KAZN: variants seen among roughly 807,000 people sequenced by gnomAD.
The protein encoded by KAZN is kazrin.
In KAZN, 40 loss-of-function variants were observed where a neutral mutation model predicts 87.4. That is an observed-to-expected ratio of 0.46 (90% CI 0.36 to 0.60). KAZN has a LOEUF of 0.60. KAZN is among the 20% of genes least tolerant of loss of function. The probability of loss-of-function intolerance (pLI) is 0.00; values close to 1 mark genes in which losing one functional copy is unlikely to be tolerated. For synonymous variants in KAZN, 466 were observed against 458.3 expected, an observed-to-expected ratio of 1.02 and a Z score of -0.22; for missense variants, 898 against 1,073.9, an observed-to-expected ratio of 0.84 and a Z score of 2.29.
At chr1:14,903,147 G>A (rs1656121983) in intron 1 of KAZN, among the ~76,000 whole-genome samples, 1 of 152,104 alleles carries the variant, frequency 6.6e-6, no homozygotes, top group South Asian at 2.1e-4. Context: ...GGGATTACAG[G>A]TGTGAGCCAC....
chr1:14,715,958 T>C (rs12086441), intron 1 of KAZN, among the ~76,000 whole-genome samples: 7,609 of 152,224 alleles, frequency 0.05, 582 homozygotes, highest in African/African-American at 0.16. Flanking sequence ...GTGAAAGCGG[T>C]GCAACTGAAG....
chr1:15,013,078 G>T (rs1309329514), intron 2 of KAZN, among the ~76,000 whole-genome samples: 1 of 152,162 alleles, frequency 6.6e-6, no homozygotes, highest in Non-Finnish European at 1.5e-5. Context: ...GCTGAATTGA[G>T]TGTGGCTCCC....
At chr1:14,219,469 A>G (rs1269026413) in intron 2 of KAZN, among the ~76,000 whole-genome samples, 4 of 152,132 alleles carry the variant, frequency 2.6e-5, no homozygotes, top group Non-Finnish European at 4.4e-5. Context: ...AACATATATA[A>G]TGTACCTTTT....
chr1:14,903,425 C>T (rs1004128001), intron 1 of KAZN, among the ~76,000 whole-genome samples: 13 of 152,194 alleles, frequency 8.5e-5, no homozygotes, highest in Non-Finnish European at 1.3e-4. Flanking sequence ...GGCAGCAGAG[C>T]GGGCCATCTG....
At chr1:14,104,665 A>G (rs991928893) in intron 1 of KAZN, among the ~76,000 whole-genome samples, 32 of 152,220 alleles carry the variant, frequency 2.1e-4, no homozygotes, top group Admixed American at 7.2e-4. Flanking sequence ...TACTTCTGCA[A>G]CAGGTTAAAA....
chr1:14,083,704 TA>T (rs1402856128), intron 1 of KAZN, among the ~76,000 whole-genome samples: 1 of 152,212 alleles, frequency 6.6e-6, no homozygotes, highest in African/African-American at 2.4e-5. Flanking sequence ...TATTGGTCAT[TA>T]ATTTCAAAGA....
intron 8 of KAZN, among the ~76,000 whole-genome samples, chr1:15,093,951 T>C (rs749790064): frequency 5.9e-5 from 9 of 152,248 alleles, no homozygotes; most frequent in Admixed American, 2.6e-4. Flanking sequence ...CTTCATTTAC[T>C]GTTTTATTTT....
intron 2 of KAZN, among the ~76,000 whole-genome samples, chr1:14,375,541 A>G (rs956290923): frequency 6.6e-6 from 1 of 152,166 alleles, no homozygotes; most frequent in Non-Finnish European, 1.5e-5. Context: ...GATTAAACCA[A>G]TCTGCATTTT....
chr1:14,902,534 G>A (rs1310697892), intron 1 of KAZN, among the ~76,000 whole-genome samples: 22 of 151,934 alleles, frequency 1.4e-4, no homozygotes, highest in Admixed American at 1.4e-3. Context: ...AGCCAGAACT[G>A]CAATTTTTTT....
At chr1:15,060,727 T>A (rs61418895) in intron 6 of KAZN, 16,321 of 174,784 alleles carry the variant, frequency 0.093, 2,357 homozygotes, top group African/African-American at 0.33. Context: ...CTGGAGAGGC[T>A]TGTGAATATG....
chr1:14,634,549 A>G (rs1019367044), intron 1 of KAZN, among the ~76,000 whole-genome samples: 1 of 152,244 alleles, frequency 6.6e-6, no homozygotes. Flanking sequence ...AGCATGGAGT[A>G]GCTCAGCTCT....
intron 2 of KAZN, among the ~76,000 whole-genome samples, chr1:14,393,087 T>C (rs976078498): frequency 1.3e-5 from 2 of 152,180 alleles, no homozygotes; most frequent in African/African-American, 4.8e-5. Context: ...AACTTGAATA[T>C]TGTTTGTTTT....
intron 1 of KAZN, among the ~76,000 whole-genome samples, chr1:14,647,898 T>G (rs1213741904): frequency 6.6e-6 from 1 of 151,986 alleles, no homozygotes. Context: ...ACAGAAAGGG[T>G]GGTGTGATCA....
intron 1 of KAZN, among the ~76,000 whole-genome samples, chr1:14,642,195 C>G (rs566709702): frequency 2.0e-5 from 3 of 152,254 alleles, no homozygotes; most frequent in South Asian, 2.1e-4. Flanking sequence ...CTCGGGAGAT[C>G]GAGACCATCC....
chr1:14,071,016 G>A (rs1480370237), intron 1 of KAZN, among the ~76,000 whole-genome samples: 2 of 152,252 alleles, frequency 1.3e-5, no homozygotes, highest in South Asian at 4.2e-4. Flanking sequence ...TGCAGCCCAT[G>A]GGTAATTCTC....
chr1:14,362,338 C>A (rs752342122), intron 2 of KAZN, among the ~76,000 whole-genome samples: 3 of 152,188 alleles, frequency 2.0e-5, no homozygotes, highest in Non-Finnish European at 4.4e-5. Context: ...TGTGATACGG[C>A]CTTCTTCATA....
chr1:14,258,884 A>G (rs1294829692), intron 2 of KAZN, among the ~76,000 whole-genome samples: 1 of 152,226 alleles, frequency 6.6e-6, no homozygotes, highest in Admixed American at 6.5e-5. Context: ...TCTCCATGGT[A>G]AATGGTCAAC....
In KAZN at chr1:14,773,569, G is replaced by T. The variant is rs1436220037; in HGVS notation, c.226+174346G>T. Among the ~76,000 whole-genome samples the T allele has an allele frequency of 1.3e-5, 2 of 152,204 alleles. No individual in the cohort carries two copies. Among genetic ancestry groups the T allele is most frequent in the Admixed American group, 1.3e-4 (2 of 15,284 alleles). The stretch of plus-strand genomic sequence containing the variant: ...CTTCCTCATCTGAGATGGTGGAAAA[G>T]ATGATGTTGACTTTCCAGAGCCATA... On this transcript the variant is annotated intron_variant, in intron 1 of 14. Coordinates refer to ENST00000376030, the MANE Select transcript of KAZN (RefSeq NM_201628.3). The surrounding 1 kb of genome is among the most constrained non-coding windows in gnomAD (Gnocchi z 5.9).
intron 1 of KAZN, among the ~76,000 whole-genome samples, chr1:14,070,613 C>T (rs1643211505): frequency 6.6e-6 from 1 of 152,162 alleles, no homozygotes; most frequent in Admixed American, 6.5e-5. Context: ...GAAATAATGT[C>T]TGATATTAAA....
Sources: gnomAD v4.1 joint callset for allele counts (sites outside exome capture counted in the v4.1 genomes callset) on GRCh38, gnomAD v4.1.1 for gene constraint, Gnocchi (gnomAD v3.1) non-coding constraint, MANE v1.5 for transcripts, NCBI Gene and HGNC (gene_info 2026-07-23, HGNC 2026-07-21) for gene names.